ERBIN: variants seen among roughly 807,000 people sequenced by gnomAD.
ERBIN encodes erbb2 interacting protein, also known as densin-180-like protein.
Under a neutral mutation model 158.4 loss-of-function variants are expected in ERBIN, and 60 were observed. That is an observed-to-expected ratio of 0.38 (90% CI 0.31 to 0.47). ERBIN has a LOEUF of 0.47. Ranked by LOEUF, ERBIN falls within the 20% of genes least tolerant of loss-of-function variation. The pLI, the probability that ERBIN is intolerant of heterozygous loss-of-function variation, is 0.99. For synonymous variants in ERBIN, 594 were observed against 557.2 expected (o/e 1.07, Z -0.93); for missense variants, 1,610 against 1,648.0 (o/e 0.98, Z 0.40).
chr5:66,036,076 A>G (rs1270927853), intron 14 of ERBIN, among the ~76,000 whole-genome samples: 1 of 152,218 alleles, frequency 6.6e-6, no homozygotes, highest in Admixed American at 6.5e-5. Flanking sequence ...AGCCTGGGTG[A>G]CAGAACAAGA....
chr5:66,079,944 G>A lies in ERBIN; in HGVS notation c.*1414G>A, dbSNP rs1193554433. The A allele has an allele frequency of 1.3e-5, 2 of 152,126 alleles. No homozygotes were observed. Among genetic ancestry groups the A allele is most frequent in the Non-Finnish European group, 2.9e-5 (2 of 67,992 alleles). 9.4% of individuals were successfully genotyped at this position (152,126 alleles called of 1,614,324 possible). On this transcript the variant is annotated 3_prime_UTR_variant, in exon 26 of 26. Transcript: ENST00000284037. ...TAATCAAATAAAATTTGAGTAACAT[G>A]TAATGGTAAGGATTAATGCATGGTT...
chr5:66,003,543 CTTA>C (rs1486469347), intron 4 of ERBIN, among the ~76,000 whole-genome samples: 1 of 152,128 alleles, frequency 6.6e-6, no homozygotes, highest in African/African-American at 2.4e-5. Context: ...ACATCAGTCA[CTTA>C]TTATCTGGGA....
chr5:65,981,280 A>G (rs1416807758), intron 1 of ERBIN, among the ~76,000 whole-genome samples: 4 of 152,240 alleles, frequency 2.6e-5, no homozygotes, highest in Non-Finnish European at 2.9e-5. Context: ...CAGTGCTTAA[A>G]TTATTAAAGT....
intron 4 of ERBIN, among the ~76,000 whole-genome samples, chr5:66,009,178 C>T (rs73766314): frequency 0.026 from 3,983 of 152,274 alleles, 173 homozygotes; most frequent in African/African-American, 0.092. Context: ...GCAGCAGACA[C>T]TGCCCTTTCA....
At chr5:66,078,161 T>C (rs979224693) in intron 25 of ERBIN, among the ~76,000 whole-genome samples, 1 of 152,186 alleles carries the variant, frequency 6.6e-6, no homozygotes. Flanking sequence ...TACGACACCA[T>C]GTCTGACATT....
intron 1 of ERBIN, among the ~76,000 whole-genome samples, chr5:65,957,425 C>A (rs537670536): frequency 1.3e-5 from 2 of 152,158 alleles, no homozygotes; most frequent in African/African-American, 4.8e-5. Flanking sequence ...TGACTCTTAA[C>A]GAGCATGCTG....
chr5:65,966,553 G>A (rs1337364197), intron 1 of ERBIN, among the ~76,000 whole-genome samples: 2 of 151,992 alleles, frequency 1.3e-5, no homozygotes, highest in Non-Finnish European at 2.9e-5. Flanking sequence ...GGTGGCGCAT[G>A]CCTGTAATCC....
At chr5:66,069,626 GAGAA>G (rs887536601) in intron 21 of ERBIN, among the ~76,000 whole-genome samples, 2 of 152,178 alleles carry the variant, frequency 1.3e-5, no homozygotes, top group Non-Finnish European at 2.9e-5. Context: ...TAAAAAGGCA[GAGAA>G]AGAAAGAACA....
chr5:65,984,612 C>G (rs1163646039), intron 1 of ERBIN: 2 of 152,390 alleles, frequency 1.3e-5, no homozygotes, highest in Non-Finnish European at 2.9e-5. Flanking sequence ...ACTTGGATGC[C>G]CTGTGGGTAT....
At chr5:66,011,832 T>A (rs1754239837) in intron 4 of ERBIN, among the ~76,000 whole-genome samples, 1 of 152,112 alleles carries the variant, frequency 6.6e-6, no homozygotes, top group South Asian at 2.1e-4. Flanking sequence ...AAAAACCAAT[T>A]TAAGTAATTA....
chr5:65,927,786 G>A (rs922263078), intron 1 of ERBIN, among the ~76,000 whole-genome samples: 1 of 152,210 alleles, frequency 6.6e-6, no homozygotes, highest in Non-Finnish European at 1.5e-5. Context: ...GATTCATGAA[G>A]CATGGCAGAC....
chr5:66,027,556 A>G (rs745357355), intron 13 of ERBIN, among the ~76,000 whole-genome samples: 3 of 152,044 alleles, frequency 2.0e-5, no homozygotes, highest in Non-Finnish European at 4.4e-5. Context: ...ACGTGTACCA[A>G]CTTTCCCATT....
At chr5:66,073,009 A>G (rs1051474057) in intron 22 of ERBIN, among the ~76,000 whole-genome samples, 5 of 152,122 alleles carry the variant, frequency 3.3e-5, no homozygotes, top group Admixed American at 6.5e-5. Flanking sequence ...TTAAGTTTCT[A>G]TTATTTTACC....
chr5:65,999,732 C>T (rs912046723), intron 4 of ERBIN, among the ~76,000 whole-genome samples: 1 of 152,128 alleles, frequency 6.6e-6, no homozygotes, highest in Non-Finnish European at 1.5e-5. Flanking sequence ...GACTATTCCT[C>T]TCATTATTTT....
At chr5:66,009,745 TC>T (rs1754007671) in intron 4 of ERBIN, among the ~76,000 whole-genome samples, 1 of 152,158 alleles carries the variant, frequency 6.6e-6, no homozygotes, top group African/African-American at 2.4e-5. Context: ...AATTCCTGTC[TC>T]CCATCTTCAA....
At chr5:66,064,537 G>A (rs1395706310) in intron 21 of ERBIN, among the ~76,000 whole-genome samples, 1 of 152,204 alleles carries the variant, frequency 6.6e-6, no homozygotes, top group East Asian at 1.9e-4. Flanking sequence ...GTAGTGTAGA[G>A]GAATGACTTT....
Position 66,005,327 on chromosome 5 carries a change from T to C in ERBIN, c.308-6722T>C, listed in dbSNP as rs112504932. 2.4e-4 allele frequency among the ~76,000 whole-genome samples: 36 copies of C among 152,252 alleles called. 2 individuals carry two copies. Among genetic ancestry groups the C allele is most frequent in the African/African-American group, 6.7e-4 (28 of 41,566 alleles). ...AGGACAGAGTTGCCATCAGTTGAGA[T>C]GTGGAAATCTGTGGGAGTTGTAATT... On this transcript the variant is annotated intron_variant, in intron 4 of 25. Transcript: ENST00000284037.
intron 13 of ERBIN, among the ~76,000 whole-genome samples, chr5:66,027,771 TACTG>T (rs1756435491): frequency 6.6e-6 from 1 of 152,086 alleles, no homozygotes; most frequent in South Asian, 2.1e-4. Flanking sequence ...CTTCCACAGA[TACTG>T]AGGAATGACT....
chr5:65,993,316 T>C (rs765973899), intron 3 of ERBIN, among the ~76,000 whole-genome samples: 2 of 152,246 alleles, frequency 1.3e-5, no homozygotes, highest in Non-Finnish European at 2.9e-5. Flanking sequence ...ATCATAATTT[T>C]ATTGTTAAAC....
Sources: gnomAD v4.1 joint callset for allele counts (sites outside exome capture counted in the v4.1 genomes callset) on GRCh38, gnomAD v4.1.1 for gene constraint, MANE v1.5 for transcripts, NCBI Gene and HGNC (gene_info 2026-07-23, HGNC 2026-07-21) for gene names.